Variants in ARHGAP44 observed in about 807,000 individuals in gnomAD.
ARHGAP44 encodes the protein rho GTPase-activating protein 44.
ARHGAP44 carries 43 observed loss-of-function variants against 106.8 expected under a neutral mutation model. That is an observed-to-expected ratio of 0.40 (90% confidence interval 0.32 to 0.52). The LOEUF is 0.52. Among genes scored for constraint, ARHGAP44 ranks in the 20% least tolerant of loss-of-function variants. The pLI is 0.48. For synonymous variants in ARHGAP44, 439 were observed against 410.3 expected (o/e 1.07, Z -0.85); for missense variants, 866 against 1,050.5 (o/e 0.82, Z 2.43).
At chr17:12,886,094 A>G (rs951084946) in intron 1 of ARHGAP44, among the ~76,000 whole-genome samples, 3 of 152,148 alleles carry the variant, frequency 2.0e-5, no homozygotes, top group Admixed American at 1.3e-4. Flanking sequence ...TTGTTAGACT[A>G]TCCTTCCTCC....
chr17:12,804,036 G>A (rs2034198316), intron 1 of ARHGAP44, among the ~76,000 whole-genome samples: 1 of 152,164 alleles, frequency 6.6e-6, no homozygotes, highest in Non-Finnish European at 1.5e-5. Flanking sequence ...GCATCCAAAG[G>A]TAGGAGGAGT....
intron 1 of ARHGAP44, among the ~76,000 whole-genome samples, chr17:12,814,960 T>A (rs576647246): frequency 1.3e-5 from 2 of 152,220 alleles, no homozygotes; most frequent in South Asian, 4.2e-4. Context: ...GTGAGGAAAC[T>A]GTTCAGTTTT....
chr17:12,863,009 C>T (rs941928721), intron 1 of ARHGAP44, among the ~76,000 whole-genome samples: 9 of 151,254 alleles, frequency 6.0e-5, no homozygotes, highest in African/African-American at 9.7e-5. Flanking sequence ...AAAAAAAGGC[C>T]GAGCACAATG....
intron 7 of ARHGAP44, among the ~76,000 whole-genome samples, chr17:12,934,742 A>G (rs2038495397): frequency 6.6e-6 from 1 of 152,200 alleles, no homozygotes; most frequent in Non-Finnish European, 1.5e-5. Context: ...CATTTGTCAA[A>G]GCCCCTAGAA....
chr17:12,892,803 TTTG>T (rs1248389549), intron 1 of ARHGAP44, among the ~76,000 whole-genome samples: 2 of 145,244 alleles, frequency 1.4e-5, no homozygotes, highest in Admixed American at 1.4e-4. Flanking sequence ...GTTTTTTTTT[TTTG>T]TCAATTAGAT....
intron 19 of ARHGAP44, chr17:12,980,906 G>A (rs1374226147): frequency 6.6e-6 from 1 of 152,148 alleles, no homozygotes; most frequent in African/African-American, 2.4e-5. Flanking sequence ...TCTAATTTCA[G>A]ACCACTCGCA....
At chr17:12,985,031 G>A (rs536574940) in intron 20 of ARHGAP44, 123 bp downstream of exon 20, 9 of 1,273,604 alleles carry the variant, frequency 7.1e-6, no homozygotes, top group African/African-American at 1.5e-5. Flanking sequence ...GACTGGGCTG[G>A]CACCAGGGGT....
chr17:12,880,674 GTGGTAGTGAAATCAACTA>G (rs2036702540), intron 1 of ARHGAP44, among the ~76,000 whole-genome samples: 1 of 42,138 alleles, frequency 2.4e-5, no homozygotes, highest in Non-Finnish European at 8.0e-5. Flanking sequence ...CCACTCACTA[GTGGTAGTGAAATCAACTA>G]GTGGTAGTGA....
chr17:12,938,523 A>G (rs936220887), intron 7 of ARHGAP44, among the ~76,000 whole-genome samples: 3 of 150,830 alleles, frequency 2.0e-5, no homozygotes, highest in African/African-American at 7.3e-5. Context: ...ACATTTTCAT[A>G]CCATAGAGCA....
At chr17:12,798,019 G>A (rs993891367) in intron 1 of ARHGAP44, among the ~76,000 whole-genome samples, 1 of 152,018 alleles carries the variant, frequency 6.6e-6, no homozygotes, top group South Asian at 2.1e-4. Context: ...GGAATGTAGC[G>A]AAGTTGTTGA....
chr17:12,914,729 G>A (rs1374218575), intron 4 of ARHGAP44, among the ~76,000 whole-genome samples: 1 of 150,304 alleles, frequency 6.7e-6, no homozygotes, highest in Non-Finnish European at 1.5e-5. Flanking sequence ...CCAGGAGGCG[G>A]AGGTTGCAGT....
chr17:12,988,002 C>G (rs987599855), intron 20 of ARHGAP44: 1 of 152,238 alleles, frequency 6.6e-6, no homozygotes, highest in Non-Finnish European at 1.5e-5. Context: ...GCCCATGGTC[C>G]TGCAGAGACT....
chr17:12,911,048 C>A (rs200192933), intron 4 of ARHGAP44, among the ~76,000 whole-genome samples: 3 of 60,280 alleles, frequency 5.0e-5, no homozygotes, highest in Admixed American at 3.7e-4. Flanking sequence ...AAAAAAGTAA[C>A]CAAAAAAAAA....
intron 3 of ARHGAP44, 69 bp from the exon 4 acceptor site, chr17:12,908,828 T>A: frequency 7.7e-7 from 1 of 1,302,528 alleles, no homozygotes; most frequent in Admixed American, 2.1e-5. Flanking sequence ...TATTTGACTT[T>A]TTGCTATTTT....
At chr17:12,867,605 T>C (rs1484525579) in intron 1 of ARHGAP44, among the ~76,000 whole-genome samples, 1 of 152,188 alleles carries the variant, frequency 6.6e-6, no homozygotes, top group African/African-American at 2.4e-5. Context: ...CAGGTTTGTC[T>C]TTAAGGACAG....
At position 12,943,629 on chromosome 17, in the gene ARHGAP44, A is replaced by G; in HGVS notation, c.693A>G (p.Thr231=). The change falls in exon 9 of 21, where the codon ACA becomes ACG. Residue 231 remains threonine, a synonymous_variant. Coordinates refer to ENST00000379672, the MANE Select transcript of ARHGAP44 (RefSeq NM_014859.6). ...CTGAATACCACAGGAAGTCCCTGAC[A>G]CTATTGCAGGCTGTATTGCCTCAGA... The part of the protein sequence containing the change: ...VQAEYHRKSL[T]LLQAVLPQIK... 2 of 1,613,932 alleles carry G rather than the reference A, an allele frequency of 1.2e-6. No homozygotes were observed. The highest frequency in any genetic ancestry group is 1.7e-6 in the Non-Finnish European group (2 of 1,179,878).
intron 3 of ARHGAP44, among the ~76,000 whole-genome samples, chr17:12,898,996 G>A (rs1305870373): frequency 6.6e-6 from 1 of 151,764 alleles, no homozygotes; most frequent in Non-Finnish European, 1.5e-5. Context: ...TTTTGAGACA[G>A]AGTCTCACTC....
Position 12,803,650 on chromosome 17 carries a change from A to T in ARHGAP44, c.53+13759A>T, listed in dbSNP as rs142753808. ...CTTTTTAAATTTCTGTATCTTAATTATAGTCTGCTTCTCTAGCCTCGACTT... is the reference window on the plus strand; with the variant it reads ...CTTTTTAAATTTCTGTATCTTAATTTTAGTCTGCTTCTCTAGCCTCGACTT... On this transcript the variant is annotated intron_variant, in intron 1 of 20. Transcript: ENST00000379672. Among the ~76,000 whole-genome samples the T allele has an allele frequency of 4.4e-3, 677 of 152,222 alleles. 5 individuals are homozygous for T. The highest frequency in any genetic ancestry group is 6.8e-3 in the Non-Finnish European group (461 of 68,020).
Position 12,990,211 on chromosome 17 carries a change from C to T in ARHGAP44, c.*40C>T, listed in dbSNP as rs376093050. 7.5e-5 allele frequency: 119 copies of T among 1,583,188 alleles called. No homozygotes were observed. Among genetic ancestry groups the T allele is most frequent in the Middle Eastern group, 1.8e-4 (1 of 5,436 alleles). On this transcript the variant is annotated 3_prime_UTR_variant, in exon 21 of 21. Transcript: ENST00000379672. ...TCCTGCCTCGCGTGTACATACATCA[C>T]GGGCCCTAGGAACGCCGCCAGGAGC...
Sources: gnomAD v4.1 joint callset for allele counts (sites outside exome capture counted in the v4.1 genomes callset) on GRCh38, gnomAD v4.1.1 for gene constraint, MANE v1.5 for transcripts, NCBI Gene and HGNC (gene_info 2026-07-23, HGNC 2026-07-21) for gene names.